Variants in CEP350 observed in about 807,000 individuals in gnomAD.
CEP350 encodes the protein centrosomal protein 350.
In CEP350, 126 loss-of-function variants were observed where a neutral mutation model predicts 331.8. That is an observed-to-expected ratio of 0.38 (90% confidence interval 0.33 to 0.44). The LOEUF (loss-of-function observed/expected upper bound fraction) is 0.44. CEP350 is among the 20% of genes least tolerant of loss of function. The pLI, the probability that CEP350 is intolerant of heterozygous loss-of-function variation, is 1.00. For missense variants in CEP350, 3,406 were observed against 3,634.6 expected (o/e 0.94, Z 1.62); for synonymous variants, 1,200 against 1,259.5 (o/e 0.95, Z 1.00).
intron 15 of CEP350, among the ~76,000 whole-genome samples, chr1:180,032,362 A>T (rs1243463472): frequency 1.3e-5 from 2 of 152,012 alleles, no homozygotes; most frequent in Non-Finnish European, 2.9e-5. Flanking sequence ...TAATACCATT[A>T]TTTCTGTGTT....
chr1:180,006,872 C>T (rs1192801590), intron 8 of CEP350, among the ~76,000 whole-genome samples: 1 of 152,108 alleles, frequency 6.6e-6, no homozygotes, highest in East Asian at 1.9e-4. Context: ...GTTTTCTGTT[C>T]CTGTGTTAGT....
At chr1:180,110,831 C>G (rs1661430965) in intron 37 of CEP350, among the ~76,000 whole-genome samples, 166 bp from the exon 38 acceptor site, 1 of 152,076 alleles carries the variant, frequency 6.6e-6, no homozygotes, top group Non-Finnish European at 1.5e-5. Flanking sequence ...GTTTTTTCAA[C>G]TTTTTGCAAT....
At chr1:179,969,317 G>A (rs1349271536) in intron 1 of CEP350, 2 of 504,274 alleles carry the variant, frequency 4.0e-6, no homozygotes, top group Non-Finnish European at 7.9e-6. Context: ...AGAATTTTAG[G>A]GTGAATGGAC....
chr1:180,065,040 T>G, intron 26 of CEP350, 75 bp from the exon 27 acceptor site: 1 of 1,401,644 alleles, frequency 7.1e-7, no homozygotes, highest in South Asian at 1.6e-5. Context: ...TAAACTTAAT[T>G]TTGAATTGAC....
At chr1:179,983,395 T>C (rs1652426939) in intron 1 of CEP350, among the ~76,000 whole-genome samples, 1 of 152,116 alleles carries the variant, frequency 6.6e-6, no homozygotes, top group Non-Finnish European at 1.5e-5. Flanking sequence ...CCACCATGCC[T>C]GGCTAATTTT....
chr1:180,090,912 A>ATTATTTAACATT (rs1660156897), intron 33 of CEP350, 116 bp downstream of exon 33: 1 of 809,736 alleles, frequency 1.2e-6, no homozygotes, highest in South Asian at 4.3e-5. Context: ...TCTTAAGTAG[A>ATTATTTAACATT]TTATTTAACA....
Position 180,075,007 on chromosome 1 carries a change from A to G in CEP350, c.5568-15A>G, listed in dbSNP as rs371911536. The G allele has an allele frequency of 4.4e-4, 696 of 1,597,980 alleles. No homozygotes were observed. Among genetic ancestry groups the G allele is most frequent in the Non-Finnish European group, 5.8e-4 (684 of 1,172,960 alleles). ...GGTTTTTTCTCTCAAACTGTTCTTCATGGTGTGACCATAGGTTTCTGACAA... is the reference window on the plus strand; with the variant it reads ...GGTTTTTTCTCTCAAACTGTTCTTCGTGGTGTGACCATAGGTTTCTGACAA... On this transcript the variant is annotated splice_polypyrimidine_tract_variant and intron_variant, in intron 27 of 37. Coordinates refer to ENST00000367607, the MANE Select transcript of CEP350 (RefSeq NM_014810.5).
At chr1:179,991,667 A>ATATGTGTGTGTG (rs1553252542) in intron 4 of CEP350, among the ~76,000 whole-genome samples, 6 of 90,212 alleles carry the variant, frequency 6.7e-5, no homozygotes, top group South Asian at 4.8e-4. Context: ...ATATATATAT[A>ATATGTGTGTGTG]TGTGTGTGTG....
At chr1:180,052,802 C>G (rs1445770939) in intron 22 of CEP350, among the ~76,000 whole-genome samples, 168 bp from the exon 23 acceptor site, 2 of 151,970 alleles carry the variant, frequency 1.3e-5, no homozygotes, top group Non-Finnish European at 1.5e-5. Flanking sequence ...GAGGCTTTTT[C>G]TTGCTTGTAA....
At chr1:179,995,743 C>T (rs903515433) in intron 5 of CEP350, among the ~76,000 whole-genome samples, 4 of 152,114 alleles carry the variant, frequency 2.6e-5, no homozygotes, top group Admixed American at 2.6e-4. Flanking sequence ...TGGCTTTGCC[C>T]AGCCTTCTGT....
At chr1:179,992,540 T>A (rs1653172072) in intron 5 of CEP350, among the ~76,000 whole-genome samples, 1 of 152,212 alleles carries the variant, frequency 6.6e-6, no homozygotes, top group Admixed American at 6.5e-5. Context: ...GTGGCTTTTT[T>A]GTTTCGTCTT....
chr1:179,975,705 T>G (rs1651812520), intron 1 of CEP350, among the ~76,000 whole-genome samples: 1 of 151,992 alleles, frequency 6.6e-6, no homozygotes, highest in Admixed American at 6.6e-5. Context: ...AGAAGAAAAT[T>G]TTGAAGATAG....
Position 180,001,228 on chromosome 1 carries a change from TCA to T in CEP350, c.1019-1945_1019-1944del, listed in dbSNP as rs554983570. 7.9e-5 allele frequency among the ~76,000 whole-genome samples: 12 copies of T among 152,308 alleles called. No homozygotes were observed. The South Asian group carries it at 2.5e-3, about 32-fold the overall frequency. ...TTTGTTGTTTTTGACAAAACAAAGT[TCA>T]GTGTATTTCTTAAAGAATAGTGATA... On this transcript the variant is annotated intron_variant, in intron 6 of 37. Coordinates refer to ENST00000367607, the MANE Select transcript of CEP350 (RefSeq NM_014810.5).
intron 7 of CEP350, among the ~76,000 whole-genome samples, chr1:180,004,471 A>G (rs879477710): frequency 2.0e-5 from 3 of 152,206 alleles, no homozygotes; most frequent in Non-Finnish European, 2.9e-5. Flanking sequence ...ACATGCTGTT[A>G]TATCAGTCAT....
intron 34 of CEP350, 97 bp downstream of exon 34, chr1:180,094,713 C>T (rs2149137331): frequency 1.5e-6 from 2 of 1,303,594 alleles, no homozygotes; most frequent in East Asian, 2.5e-5. Context: ...TTCTGTGACT[C>T]CTGATAGGTT....
intron 27 of CEP350, among the ~76,000 whole-genome samples, chr1:180,068,495 A>G (rs1034558813): frequency 1.3e-5 from 2 of 152,182 alleles, no homozygotes; most frequent in African/African-American, 4.8e-5. Flanking sequence ...TCTGAGTTTT[A>G]TTACTGTGAG....
intron 1 of CEP350, among the ~76,000 whole-genome samples, chr1:179,979,805 A>G (rs73032356): frequency 0.012 from 1,866 of 152,130 alleles, 39 homozygotes; most frequent in African/African-American, 0.042. Flanking sequence ...TGAAGAGACT[A>G]TCCCCAATGA....
chr1:180,092,855 A>G lies in CEP350; in HGVS notation c.6750A>G (p.Gly2250=). Reference sequence around the variant, plus strand: ...TTGATATGTCAGATGGCAAGGTTGGAGAATCTAGTAAAAAATCAGAAATAA... The same window carrying G: ...TTGATATGTCAGATGGCAAGGTTGGGGAATCTAGTAAAAAATCAGAAATAA... ...RILDMSDGKV[G]ESSKKSEIKE... The change falls in exon 34 of 38, where the codon GGA becomes GGG. Residue 2250 remains glycine (G), a synonymous_variant. Coordinates refer to ENST00000367607, the MANE Select transcript of CEP350 (RefSeq NM_014810.5). 6.4e-7 allele frequency: 1 copy of G among 1,567,712 alleles called. No individual in the cohort carries two copies. Among genetic ancestry groups the G allele is most frequent in the Non-Finnish European group, 8.7e-7 (1 of 1,155,046 alleles).
In CEP350 at chr1:180,094,033, T is replaced by G; in HGVS notation, c.7928T>G (p.Ile2643Ser). 3.1e-6 allele frequency: 5 copies of G among 1,613,800 alleles called. No homozygotes were observed. Among genetic ancestry groups the G allele is most frequent in the South Asian group, 1.1e-5 (1 of 91,066 alleles). The change falls in exon 34 of 38, where the codon ATT becomes AGT. Residue 2643 changes from isoleucine to serine, a missense_variant. Ile to Ser is a moderately radical substitution (Grantham distance 142). Transcript: ENST00000367607. ...ATAGAAACAGACAATGTACAGGACA[T>G]TTCTGGGGTACTTGAAGCCCATGTT... ...LKIETDNVQD[I>S]SGVLEAHVHQ...
Sources: allele counts gnomAD v4.1 joint callset (sites outside exome capture counted in the v4.1 genomes callset), GRCh38; gene constraint gnomAD v4.1.1; transcripts MANE v1.5; gene names NCBI Gene and HGNC (gene_info 2026-07-23, HGNC 2026-07-21).